Variants in ITGB2 observed in about 807,000 individuals in gnomAD.
ITGB2 encodes the protein integrin subunit beta 2.
In ITGB2, 56 loss-of-function variants were observed where a neutral mutation model predicts 86.8. The ratio of observed to expected loss-of-function variants is 0.65; its 90% CI spans 0.52 to 0.81. The LOEUF (loss-of-function observed/expected upper bound fraction) is 0.81. ITGB2 is among the 30% of genes least tolerant of loss of function. ITGB2 has a pLI of 0.00. For missense variants in ITGB2, 948 were observed against 1,061.2 expected (o/e 0.89, Z 1.48); for synonymous variants, 457 against 450.4 (o/e 1.01, Z -0.19).
At chr21:44,895,923 A>AT (rs2083862098) in intron 8 of ITGB2, among the ~76,000 whole-genome samples, 1 of 151,932 alleles carries the variant, frequency 6.6e-6, no homozygotes, top group Non-Finnish European at 1.5e-5. Context: ...TAAAAAAAAA[A>AT]TTACTGTTGC....
In ITGB2 at chr21:44,907,007, A is replaced by T; in HGVS notation, c.236T>A (p.Met79Lys). 6.2e-7 allele frequency: 1 copy of T among 1,614,144 alleles called. No homozygotes were observed. Among genetic ancestry groups the T allele is most frequent in the East Asian group, 2.2e-5 (1 of 44,872 alleles). Residue 79 changes from methionine (M) to lysine (K), a missense_variant, in exon 4 of 16, where the codon ATG (methionine) becomes AAG (lysine). Transcript: ENST00000652462. ...LMRGCAADDI[M>K]DPTSLAETQE... ...GGTTTCAGCGAGGCTTGTGGGGTCC[A>T]TGATGTCGTCAGCCGCACAGCCCCT...
chr21:44,891,261 G>A (rs2083781977), intron 11 of ITGB2, among the ~76,000 whole-genome samples: 2 of 152,284 alleles, frequency 1.3e-5, no homozygotes, highest in Admixed American at 6.5e-5. Context: ...GGGTGCCCAC[G>A]CCTGGCAGGG....
intron 8 of ITGB2, among the ~76,000 whole-genome samples, chr21:44,895,845 T>C (rs1305445343): frequency 8.4e-6 from 1 of 118,950 alleles, no homozygotes; most frequent in Admixed American, 7.7e-5. Context: ...TAAAATAAAA[T>C]GAAATGAAAT....
intron 2 of ITGB2, 166 bp from the exon 3 acceptor site, chr21:44,910,538 G>A: frequency 6.8e-7 from 1 of 1,461,768 alleles, no homozygotes; most frequent in Non-Finnish European, 9.4e-7. Flanking sequence ...GGGGCCCTCG[G>A]GAAACAGCAC....
At chr21:44,891,290 G>T (rs539271541) in intron 11 of ITGB2, among the ~76,000 whole-genome samples, 1 of 152,256 alleles carries the variant, frequency 6.6e-6, no homozygotes, top group East Asian at 1.9e-4. Flanking sequence ...CGCCCAAGAG[G>T]TGGCCTATGG....
In ITGB2 at chr21:44,900,377, G is replaced by A. The variant is rs2083933927; in HGVS notation, c.840C>T (p.Thr280=). Residue 280 remains threonine, a synonymous_variant, in exon 7 of 16, where the codon ACC becomes ACT. Coordinates refer to ENST00000652462, the MANE Select transcript of ITGB2 (RefSeq NM_000211.5). ...AGDGKLGAIL[T]PNDGRCHLED... ...CCAGGTGACAGCGGCCGTCGTTGGG[G>A]GTCAGGATGGCGCCCAGCTTCCCGT... 5 of 1,614,062 alleles carry A rather than the reference G, an allele frequency of 3.1e-6. No homozygotes were observed. The highest frequency in any genetic ancestry group is 3.4e-6 in the Non-Finnish European group (4 of 1,180,022).
intron 8 of ITGB2, among the ~76,000 whole-genome samples, chr21:44,896,104 C>G (rs913541265): frequency 1.3e-5 from 2 of 151,194 alleles, no homozygotes; most frequent in Non-Finnish European, 3.0e-5. Flanking sequence ...TGCGGTGTGA[C>G]TGCTCCCGCC....
intron 12 of ITGB2, among the ~76,000 whole-genome samples, 173 bp from the exon 13 acceptor site, chr21:44,889,668 T>C (rs565183118): frequency 6.6e-6 from 1 of 152,284 alleles, no homozygotes; most frequent in East Asian, 1.9e-4. Context: ...GCCAGCCACG[T>C]GGCCGCCTCC....
Position 44,889,845 on chromosome 21 carries a change from G to T in ITGB2, c.1657+133C>A. 4 of 1,334,072 alleles carry T rather than the reference G, an allele frequency of 3.0e-6. No individual in the cohort carries two copies. The South Asian group carries it at 5.0e-5, about 17-fold the overall frequency. 82.6% of individuals were successfully genotyped at this position (1,334,072 alleles called of 1,614,324 possible). Reference sequence around the variant, plus strand: ...AAGTTCCTGCTGACGCCCGGTGGCTGGGCGAGACTTGCACTGTCTGTCCTC... The same window carrying T: ...AAGTTCCTGCTGACGCCCGGTGGCTTGGCGAGACTTGCACTGTCTGTCCTC... On this transcript the variant is annotated intron_variant, in intron 12 of 15. Transcript: ENST00000652462.
intron 3 of ITGB2, among the ~76,000 whole-genome samples, chr21:44,908,718 GT>G (rs2084082685): frequency 6.6e-6 from 1 of 152,166 alleles, no homozygotes; most frequent in South Asian, 2.1e-4. Flanking sequence ...TCTGCGGCTT[GT>G]CCGGCTACAA....
chr21:44,905,427 C>T (rs1057158011), intron 4 of ITGB2, among the ~76,000 whole-genome samples: 1 of 152,178 alleles, frequency 6.6e-6, no homozygotes, highest in East Asian at 1.9e-4. Context: ...CCACCCTTCC[C>T]CACGGCACAA....
chr21:44,902,145 A>G (rs1381897396), intron 5 of ITGB2, among the ~76,000 whole-genome samples: 1 of 152,106 alleles, frequency 6.6e-6, no homozygotes, highest in Non-Finnish European at 1.5e-5. Flanking sequence ...ATGTTCAGGT[A>G]TGGACACACC....
chr21:44,899,245 G>T, intron 7 of ITGB2, 83 bp from the exon 8 acceptor site: 1 of 1,045,276 alleles, frequency 9.6e-7, no homozygotes. Flanking sequence ...CCCGCTCAGC[G>T]TCAGCCCTGC....
At chr21:44,907,239 C>G (rs527626308) in intron 3 of ITGB2, 144 bp from the exon 4 acceptor site, 12 of 649,232 alleles carry the variant, frequency 1.8e-5, no homozygotes, top group Admixed American at 5.9e-5. Context: ...TGGACAGAGA[C>G]AGGGAGCTCC....
intron 3 of ITGB2, 83 bp from the exon 4 acceptor site, chr21:44,907,178 C>T: frequency 7.0e-6 from 7 of 993,582 alleles, no homozygotes; most frequent in Non-Finnish European, 9.0e-6. Flanking sequence ...GACTGAGGAC[C>T]CACCCTGTCC....
chr21:44,890,523 C>T lies in ITGB2; in HGVS notation c.1413-301G>A, dbSNP rs563835613. ...GCAGCCATGCACATGGCCTGTGCTGCGATACCGGTGCTCTGTGAGTGGCTG... is the reference window on the plus strand; with the variant it reads ...GCAGCCATGCACATGGCCTGTGCTGTGATACCGGTGCTCTGTGAGTGGCTG... On this transcript the variant is annotated intron_variant, in intron 11 of 15. Coordinates refer to ENST00000652462, the MANE Select transcript of ITGB2 (RefSeq NM_000211.5). 3.9e-5 allele frequency among the ~76,000 whole-genome samples: 6 copies of T among 152,308 alleles called. No homozygotes were observed. In the South Asian group the frequency reaches 1.0e-3, roughly 26 times the overall value.
upstream of ITGB2, chr21:44,921,217 G>T (rs2084299423): frequency 6.6e-6 from 1 of 152,256 alleles, no homozygotes; most frequent in African/African-American, 2.4e-5. Flanking sequence ...AAAGTTTGAT[G>T]CTGGAAAGCA....
chr21:44,908,148 G>A lies in ITGB2; in HGVS notation c.148-1053C>T, dbSNP rs573885694. On this transcript the variant is annotated intron_variant, in intron 3 of 15. Transcript: ENST00000652462. The stretch of plus-strand genomic sequence containing the variant: ...GCTTCTCCTCCGGGGACTGCTCGCC[G>A]CGGTGGCGTGGGCTGGAGGACCCAA... 4.2e-4 allele frequency: 316 copies of A among 743,874 alleles called. 1 individual carries two copies. In the East Asian group the frequency reaches 7.7e-3, roughly 18 times the overall value. The allele number at this position is 743,874 out of a possible 1,614,324, so 46.1% of individuals were successfully genotyped here.
chr21:44,888,496 G>C (rs1233467082), intron 14 of ITGB2, among the ~76,000 whole-genome samples, 197 bp downstream of exon 14: 1 of 152,202 alleles, frequency 6.6e-6, no homozygotes, highest in Non-Finnish European at 1.5e-5. Context: ...GGAGGGGAGG[G>C]AAAGGGGAGG....
Sources: gnomAD v4.1 joint callset for allele counts (sites outside exome capture counted in the v4.1 genomes callset) on GRCh38, gnomAD v4.1.1 for gene constraint, MANE v1.5 for transcripts, NCBI Gene and HGNC (gene_info 2026-07-23, HGNC 2026-07-21) for gene names.